Variants in RTL4 observed in about 807,000 individuals in gnomAD.
The protein encoded by RTL4 is retrotransposon Gag like 4.
In RTL4, 4 loss-of-function variants were observed where a neutral mutation model predicts 5.3. The observed-to-expected ratio is 0.75, with a 90% CI of 0.37 to 1.72. RTL4 has a LOEUF of 1.72. Among genes scored for constraint, RTL4 ranks in the 40% most tolerant of loss-of-function variants. The probability of loss-of-function intolerance (pLI) is 0.04; values close to 1 mark genes in which losing one functional copy is unlikely to be tolerated. For missense variants in RTL4, 260 were observed against 227.1 expected, an observed-to-expected ratio of 1.14 and a Z score of -0.93; for synonymous variants, 98 against 87.3, an observed-to-expected ratio of 1.12 and a Z score of -0.68.
the RTL4 span, among the ~76,000 whole-genome samples, chrX:112,445,421 T>G: frequency 1.8e-5 from 2 of 112,222 alleles, no homozygotes; most frequent in Admixed American, 1.9e-4. Flanking sequence ...TTGCTGGAAG[T>G]TTCACATCTA....
the RTL4 span, among the ~76,000 whole-genome samples, chrX:112,349,426 AC>A: frequency 9.0e-6 from 1 of 111,024 alleles, no homozygotes; most frequent in Non-Finnish European, 1.9e-5. Context: ...TGATGGGGAT[AC>A]CATTGAATCT....
At chrX:112,327,507 G>A in the RTL4 span, among the ~76,000 whole-genome samples, 24 of 109,912 alleles carry the variant, frequency 2.2e-4, no homozygotes, top group Non-Finnish European at 5.7e-5. Context: ...GGGACTATGT[G>A]AAAAGACCAA....
At chrX:112,293,395 G>A in the RTL4 span, among the ~76,000 whole-genome samples, 3 of 112,414 alleles carry the variant, frequency 2.7e-5, no homozygotes, top group African/African-American at 6.5e-5. Flanking sequence ...GTATAACACA[G>A]TATTCACTAT....
the RTL4 span, among the ~76,000 whole-genome samples, chrX:112,199,321 A>T: frequency 9.2e-6 from 1 of 108,866 alleles, no homozygotes. Context: ...CCTGAGGCAG[A>T]AAAGTGCTTT....
the RTL4 span, among the ~76,000 whole-genome samples, chrX:112,157,064 T>TGTG: frequency 1.6e-4 from 15 of 96,583 alleles, no homozygotes; most frequent in African/African-American, 5.7e-4. Context: ...GTTATACTGT[T>TGTG]TGTGTGTGTG....
At chrX:112,194,871 C>T in the RTL4 span, among the ~76,000 whole-genome samples, 12 of 111,983 alleles carry the variant, frequency 1.1e-4, no homozygotes, top group Non-Finnish European at 1.9e-4. Context: ...AAGCTATAAG[C>T]CACGGGGTGC....
the RTL4 span, among the ~76,000 whole-genome samples, chrX:112,333,934 T>TC: frequency 2.2e-5 from 2 of 90,063 alleles, no homozygotes; most frequent in South Asian, 5.4e-4. Context: ...CATCCCCACC[T>TC]CCCCCCACAA....
the RTL4 span, among the ~76,000 whole-genome samples, chrX:112,180,908 A>G: frequency 8.9e-6 from 1 of 112,311 alleles, no homozygotes; most frequent in Non-Finnish European, 1.9e-5. Flanking sequence ...GAATCGGGAC[A>G]GCTCCAGTCT....
chrX:112,160,348 T>G, the RTL4 span, among the ~76,000 whole-genome samples: 3 of 112,069 alleles, frequency 2.7e-5, no homozygotes, highest in Non-Finnish European at 5.6e-5. Flanking sequence ...GGTTTTAGAC[T>G]TGTCTCTGCA....
At chrX:112,299,003 C>T in the RTL4 span, among the ~76,000 whole-genome samples, 1 of 112,450 alleles carries the variant, frequency 8.9e-6, no homozygotes, top group Non-Finnish European at 1.9e-5. Context: ...TGTCCTTCTC[C>T]GCTTTTGCAG....
chrX:112,330,918 A>G, the RTL4 span, among the ~76,000 whole-genome samples: 2 of 110,995 alleles, frequency 1.8e-5, no homozygotes, highest in Non-Finnish European at 3.8e-5. Flanking sequence ...AGGATTCCCT[A>G]TTTAATAAAT....
the RTL4 span, among the ~76,000 whole-genome samples, chrX:112,438,947 G>T: frequency 8.9e-6 from 1 of 111,879 alleles, no homozygotes; most frequent in African/African-American, 3.2e-5. Context: ...ACCCAGCAAA[G>T]TTCAGTCACT....
At chrX:112,266,015 T>C in the RTL4 span, among the ~76,000 whole-genome samples, 1 of 110,623 alleles carries the variant, frequency 9.0e-6, no homozygotes, top group East Asian at 2.8e-4. Context: ...GGGAGTGTTA[T>C]AGGCCTTCCC....
the RTL4 span, among the ~76,000 whole-genome samples, chrX:112,285,912 C>A: frequency 2.7e-5 from 3 of 111,908 alleles, no homozygotes; most frequent in African/African-American, 9.7e-5. Flanking sequence ...AAACACTATT[C>A]TTGGTAATAG....
At chrX:112,219,501 T>C in the RTL4 span, among the ~76,000 whole-genome samples, 2 of 112,388 alleles carry the variant, frequency 1.8e-5, no homozygotes, top group Non-Finnish European at 3.8e-5. Context: ...ATGGCAGAGC[T>C]AACACCTCTC....
the RTL4 span, among the ~76,000 whole-genome samples, chrX:112,220,572 A>T: frequency 1.3e-4 from 15 of 112,931 alleles, no homozygotes; most frequent in African/African-American, 4.8e-4. Flanking sequence ...AGCAGGCTTG[A>T]ATTTCTTTCC....
the RTL4 span, among the ~76,000 whole-genome samples, chrX:112,143,740 G>T: frequency 1.8e-5 from 2 of 111,350 alleles, no homozygotes; most frequent in Admixed American, 1.9e-4. Flanking sequence ...AAATTTCTAG[G>T]CTCCACTCCA....
At chrX:112,204,775 T>A in the RTL4 span, among the ~76,000 whole-genome samples, 1 of 111,106 alleles carries the variant, frequency 9.0e-6, no homozygotes, top group African/African-American at 3.3e-5. Context: ...CTGTAGTAAA[T>A]AATAACTGTA....
chrX:112,260,272 C>G, the RTL4 span, among the ~76,000 whole-genome samples: 23,203 of 110,584 alleles, frequency 0.21, 1,986 homozygotes, highest in African/African-American at 0.32. Flanking sequence ...CAGCTTTTAA[C>G]ACTGGCCTAT....
Sources: allele counts gnomAD v4.1 joint callset (sites outside exome capture counted in the v4.1 genomes callset), GRCh38; gene constraint gnomAD v4.1.1; transcripts MANE v1.5; gene names NCBI Gene and HGNC (gene_info 2026-07-23, HGNC 2026-07-21).